ABCA13: variants seen among roughly 807,000 people sequenced by gnomAD.
The protein encoded by ABCA13 is ATP binding cassette subfamily A member 13.
In ABCA13, 476 loss-of-function variants were observed where a neutral mutation model predicts 478.7. The ratio of observed to expected loss-of-function variants is 0.99; its 90% CI spans 0.92 to 1.07. ABCA13 has a LOEUF of 1.07. ABCA13 is among the 50% of genes least tolerant of loss of function. The pLI is 0.00. For synonymous variants in ABCA13, 2,252 were observed against 2,158.9 expected (o/e 1.04, Z -1.20); for missense variants, 6,060 against 5,910.6 (o/e 1.03, Z -0.83).
chr7:48,191,326 A>C (rs1472012151), intron 1 of ABCA13, among the ~76,000 whole-genome samples: 2 of 152,364 alleles, frequency 1.3e-5, no homozygotes, highest in East Asian at 3.9e-4. Flanking sequence ...GGACTGTGTC[A>C]GAGAACTTTT....
At chr7:48,440,145 T>C (rs1207834611) in intron 42 of ABCA13, among the ~76,000 whole-genome samples, 2 of 152,186 alleles carry the variant, frequency 1.3e-5, no homozygotes, top group African/African-American at 2.4e-5. Context: ...ATACATCTTA[T>C]AGTAAATGGC....
chr7:48,574,473 C>A (rs1787971056), intron 55 of ABCA13, among the ~76,000 whole-genome samples: 2 of 152,106 alleles, frequency 1.3e-5, no homozygotes, highest in South Asian at 4.1e-4. Flanking sequence ...GGTTTAGTTA[C>A]TTTTTAGATT....
intron 55 of ABCA13, among the ~76,000 whole-genome samples, chr7:48,538,957 A>G (rs1027107252): frequency 6.6e-6 from 1 of 152,210 alleles, no homozygotes; most frequent in African/African-American, 2.4e-5. Context: ...CTGCATACTG[A>G]TGATGGAATT....
chr7:48,358,915 T>A (rs1309831779), intron 31 of ABCA13, among the ~76,000 whole-genome samples: 1 of 151,994 alleles, frequency 6.6e-6, no homozygotes, highest in Non-Finnish European at 1.5e-5. Flanking sequence ...GCATCTCACC[T>A]TCTAAGTTTA....
rs542836760 is a variant in ABCA13, at chr7:48,352,610, C to T, written c.10688+123C>T. 2.6e-4 allele frequency: 303 copies of T among 1,162,048 alleles called. 4 individuals carry two copies. The African/African-American group carries it at 3.0e-3, about 12-fold the overall frequency. The allele number at this position is 1,162,048 out of a possible 1,614,324, so 72.0% of individuals were successfully genotyped here. ...AGCACTGTTAAAAAAGTTCACCCCC[C>T]ACTTTTTAATTTCGTAAGGTTCATT... On this transcript the variant is annotated intron_variant, in intron 31 of 61. Transcript: ENST00000435803.
chr7:48,408,592 G>A (rs763353430), intron 39 of ABCA13, among the ~76,000 whole-genome samples: 1 of 152,170 alleles, frequency 6.6e-6, no homozygotes, highest in East Asian at 1.9e-4. Context: ...TGTATTGAAA[G>A]TCTTAGTCTT....
intron 45 of ABCA13, among the ~76,000 whole-genome samples, chr7:48,477,709 G>T (rs999693039): frequency 7.5e-6 from 1 of 132,692 alleles, no homozygotes; most frequent in Admixed American, 8.8e-5. Context: ...ATGGACACAG[G>T]AAGGGGAACA....
chr7:48,338,107 TC>T (rs1198612747), intron 28 of ABCA13, among the ~76,000 whole-genome samples: 3 of 152,232 alleles, frequency 2.0e-5, no homozygotes, highest in African/African-American at 7.2e-5. Flanking sequence ...ACCACTTAAT[TC>T]ATTCTTTGTT....
At chr7:48,454,455 C>T (rs73105511) in intron 42 of ABCA13, among the ~76,000 whole-genome samples, 27,132 of 152,182 alleles carry the variant, frequency 0.18, 2,752 homozygotes, top group African/African-American at 0.27. Context: ...GCTTGTGGAT[C>T]GCTCTGATAG....
At chr7:48,270,563 GA>G (rs1795463178) in intron 16 of ABCA13, among the ~76,000 whole-genome samples, 1 of 152,124 alleles carries the variant, frequency 6.6e-6, no homozygotes, top group Non-Finnish European at 1.5e-5. Flanking sequence ...GGTTTATGTT[GA>G]ATTCCTAATA....
intron 47 of ABCA13, among the ~76,000 whole-genome samples, chr7:48,484,737 C>T (rs1829117981): frequency 6.6e-6 from 1 of 152,104 alleles, no homozygotes; most frequent in Admixed American, 6.5e-5. Context: ...TTTACGTGTC[C>T]TTCACCAGGC....
At chr7:48,548,792 G>A (rs900674577) in intron 55 of ABCA13, among the ~76,000 whole-genome samples, 14 of 151,544 alleles carry the variant, frequency 9.2e-5, no homozygotes, top group African/African-American at 2.7e-4. Flanking sequence ...CTCATGCCAG[G>A]GTGTTTTCTG....
Position 48,326,497 on chromosome 7 carries a change from T to C in ABCA13, c.10000-8925T>C, listed in dbSNP as rs73323745. ...TATATTGAGTAGAGGGAAGAATTACTTGCTCTAATCCTGACACCGCTAAGA... is the reference window on the plus strand; with the variant it reads ...TATATTGAGTAGAGGGAAGAATTACCTGCTCTAATCCTGACACCGCTAAGA... On this transcript the variant is annotated intron_variant, in intron 27 of 61. Transcript: ENST00000435803. Among the ~76,000 whole-genome samples, 1,384 of 152,352 alleles carry C rather than the reference T, an allele frequency of 9.1e-3. 30 individuals carry two copies. The highest frequency in any genetic ancestry group is 0.031 in the African/African-American group (1,304 of 41,572).
intron 44 of ABCA13, among the ~76,000 whole-genome samples, chr7:48,470,806 C>T (rs1390891426): frequency 4.6e-5 from 7 of 152,188 alleles, no homozygotes; most frequent in Admixed American, 4.6e-4. Flanking sequence ...TTCTGAAAAG[C>T]AGGGCTAGTA....
intron 23 of ABCA13, among the ~76,000 whole-genome samples, chr7:48,301,521 CTTTT>C (rs941085351): frequency 1.4e-5 from 2 of 145,544 alleles, no homozygotes; most frequent in Non-Finnish European, 3.0e-5. Context: ...TTTGCTCATT[CTTTT>C]TTTTTTTTCT....
intron 49 of ABCA13, 76 bp downstream of exon 49, chr7:48,506,466 T>C (rs1009154785): frequency 2.6e-6 from 4 of 1,534,798 alleles, no homozygotes; most frequent in African/African-American, 1.4e-5. Flanking sequence ...GGGATGACTT[T>C]GGTCTCTCTT....
intron 42 of ABCA13, among the ~76,000 whole-genome samples, chr7:48,451,560 A>G (rs1374408551): frequency 1.3e-5 from 2 of 152,174 alleles, no homozygotes; most frequent in Non-Finnish European, 2.9e-5. Context: ...GGATTACAAT[A>G]TTTACATATT....
At chr7:48,190,424 C>T (rs1796944740) in intron 1 of ABCA13, among the ~76,000 whole-genome samples, 1 of 152,186 alleles carries the variant, frequency 6.6e-6, no homozygotes, top group Non-Finnish European at 1.5e-5. Context: ...ATTCATGCTA[C>T]ACATATGTCT....
At chr7:48,248,160 C>G in intron 13 of ABCA13, 79 bp from the exon 14 acceptor site, 1 of 1,215,772 alleles carries the variant, frequency 8.2e-7, no homozygotes, top group South Asian at 1.5e-5. Context: ...TTTAGTGATA[C>G]AGGGTCAAGG....
Sources: gnomAD v4.1 joint callset for allele counts (sites outside exome capture counted in the v4.1 genomes callset) on GRCh38, gnomAD v4.1.1 for gene constraint, MANE v1.5 for transcripts, NCBI Gene and HGNC (gene_info 2026-07-23, HGNC 2026-07-21) for gene names.